Variants in PTCHD4 observed in about 807,000 individuals in gnomAD.
The protein encoded by PTCHD4 is patched domain containing 4, also known as patched domain-containing protein 4.
PTCHD4 carries 33 observed loss-of-function variants against 58.1 expected under a neutral mutation model. The observed-to-expected ratio is 0.57, with a 90% CI of 0.43 to 0.76. The LOEUF is 0.76. PTCHD4 is among the 30% of genes least tolerant of loss of function. PTCHD4 has a pLI of 0.00. For synonymous variants in PTCHD4, 478 were observed against 409.6 expected, an observed-to-expected ratio of 1.17 and a Z score of -2.02; for missense variants, 1,058 against 1,027.1, an observed-to-expected ratio of 1.03 and a Z score of -0.41.
chr6:47,953,386 T>C (rs371115895), intron 4 of PTCHD4, among the ~76,000 whole-genome samples: 4 of 152,156 alleles, frequency 2.6e-5, no homozygotes, highest in Non-Finnish European at 4.4e-5. Context: ...TGAGTTTAGA[T>C]GAGATTTTAA....
chr6:47,882,741 G>GAGAGATATATATATATATATATAT (rs143060584), intron 4 of PTCHD4, among the ~76,000 whole-genome samples: 86 of 102,436 alleles, frequency 8.4e-4, no homozygotes, highest in African/African-American at 2.7e-3. Context: ...TGATTCCAGT[G>GAGAGATATATATATATATATATAT]ATATATATAT....
chr6:48,021,637 A>G (rs1582034463), intron 3 of PTCHD4, among the ~76,000 whole-genome samples: 1 of 152,046 alleles, frequency 6.6e-6, no homozygotes, highest in East Asian at 1.9e-4. Flanking sequence ...GATTATACAG[A>G]TAGTTGTAAT....
At chr6:48,050,442 T>A (rs187678262) in intron 3 of PTCHD4, among the ~76,000 whole-genome samples, 1 of 152,160 alleles carries the variant, frequency 6.6e-6, no homozygotes, top group Non-Finnish European at 1.5e-5. Context: ...GGGAACTATA[T>A]GGCTGGTCAA....
At chr6:48,013,389 T>TTC (rs3031354) in intron 3 of PTCHD4, among the ~76,000 whole-genome samples, 1 of 149,754 alleles carries the variant, frequency 6.7e-6, no homozygotes, top group African/African-American at 2.4e-5. Flanking sequence ...TTTTTTTTTT[T>TTC]CTCAGAATGT....
At chr6:48,001,235 T>G (rs954946349) in intron 4 of PTCHD4, among the ~76,000 whole-genome samples, 5 of 152,208 alleles carry the variant, frequency 3.3e-5, no homozygotes, top group Non-Finnish European at 7.3e-5. Flanking sequence ...ATGACTTTCT[T>G]CACAGAATTG....
At chr6:48,013,595 A>G (rs1453117773) in intron 3 of PTCHD4, among the ~76,000 whole-genome samples, 2 of 151,892 alleles carry the variant, frequency 1.3e-5, no homozygotes, top group Non-Finnish European at 2.9e-5. Flanking sequence ...ATTGTGGAAA[A>G]TTTCTGCTCT....
intron 4 of PTCHD4, among the ~76,000 whole-genome samples, chr6:47,936,461 T>C (rs1201850125): frequency 6.6e-6 from 1 of 152,252 alleles, no homozygotes; most frequent in East Asian, 1.9e-4. Context: ...CGAAAAGCCC[T>C]GATACCATGA....
intron 4 of PTCHD4, chr6:47,900,020 G>C (rs1358493608): frequency 6.6e-6 from 1 of 151,932 alleles, no homozygotes; most frequent in African/African-American, 2.4e-5. Flanking sequence ...CACTTTTTAT[G>C]TTTCCATTCA....
rs530398314 is a variant in PTCHD4 at position 47,944,621 on chromosome 6, C to T, written c.898+64013G>A. Reference sequence around the variant, plus strand: ...CTCCATTTAAATAACAGGTACAGTGCTAAGGGTAGAGGAATTGAAAAACAG... The same window carrying T: ...CTCCATTTAAATAACAGGTACAGTGTTAAGGGTAGAGGAATTGAAAAACAG... On this transcript the variant is annotated intron_variant, in intron 4 of 4. Coordinates refer to ENST00000339488, the MANE Select transcript of PTCHD4 (RefSeq NM_001384253.1). Among the ~76,000 whole-genome samples the T allele has an allele frequency of 7.2e-5, 11 of 152,118 alleles. No individual in the cohort carries two copies. The South Asian group carries it at 1.5e-3, about 20-fold the overall frequency.
At chr6:48,097,238 A>G (rs1364796175) in intron 1 of PTCHD4, among the ~76,000 whole-genome samples, 1 of 152,150 alleles carries the variant, frequency 6.6e-6, no homozygotes, top group Non-Finnish European at 1.5e-5. Context: ...AATTTAAAAT[A>G]TAACAAAGAA....
At position 47,867,028 on chromosome 6, in the gene PTCHD4, C is replaced by T. The variant is rs1763584797; in HGVS notation, c.*11275G>A. 6.6e-6 allele frequency among the ~76,000 whole-genome samples: 1 copy of T among 151,678 alleles called. No homozygotes were observed. Among genetic ancestry groups the T allele is most frequent in the African/African-American group, 2.4e-5 (1 of 41,330 alleles). On this transcript the variant is annotated 3_prime_UTR_variant, in exon 5 of 5. Coordinates refer to ENST00000339488, the MANE Select transcript of PTCHD4 (RefSeq NM_001384253.1). ...ATGATGAAAAGATGATATATTTTACCATAGGGACATAGTACTTGTTTACAA... is the reference window on the plus strand; with the variant it reads ...ATGATGAAAAGATGATATATTTTACTATAGGGACATAGTACTTGTTTACAA...
At chr6:47,974,942 T>A (rs534150916) in intron 4 of PTCHD4, among the ~76,000 whole-genome samples, 2 of 152,320 alleles carry the variant, frequency 1.3e-5, no homozygotes, top group South Asian at 2.1e-4. Flanking sequence ...TTATTTTCAT[T>A]CAATGACTGT....
intron 4 of PTCHD4, among the ~76,000 whole-genome samples, chr6:47,999,486 A>G (rs1768634889): frequency 1.3e-5 from 2 of 152,288 alleles, no homozygotes; most frequent in East Asian, 3.9e-4. Flanking sequence ...CCTGAGTAAA[A>G]TAAGTCCTGT....
At chr6:48,005,003 T>A (rs1762381465) in intron 4 of PTCHD4, among the ~76,000 whole-genome samples, 1 of 152,226 alleles carries the variant, frequency 6.6e-6, no homozygotes, top group South Asian at 2.1e-4. Context: ...AATCTTTTTT[T>A]CTAAACCCCA....
intron 1 of PTCHD4, among the ~76,000 whole-genome samples, chr6:48,094,330 C>T (rs1388119154): frequency 6.6e-6 from 1 of 152,150 alleles, no homozygotes; most frequent in East Asian, 1.9e-4. Flanking sequence ...CGAGTGGTAA[C>T]GATGAGAAGA....
chr6:48,106,527 T>A (rs921796361), intron 1 of PTCHD4, among the ~76,000 whole-genome samples: 1 of 152,188 alleles, frequency 6.6e-6, no homozygotes, highest in African/African-American at 2.4e-5. Flanking sequence ...AAGCATTCCC[T>A]TTGAAAACTG....
At chr6:47,959,235 A>C (rs1766987731) in intron 4 of PTCHD4, among the ~76,000 whole-genome samples, 1 of 152,224 alleles carries the variant, frequency 6.6e-6, no homozygotes, top group Admixed American at 6.5e-5. Flanking sequence ...CATGATGTAC[A>C]AAATGATTAA....
At chr6:48,022,676 C>A (rs1188123942) in intron 3 of PTCHD4, among the ~76,000 whole-genome samples, 2 of 152,014 alleles carry the variant, frequency 1.3e-5, no homozygotes, top group African/African-American at 2.4e-5. Context: ...GTATTTTAGT[C>A]AAGTGCATAG....
intron 4 of PTCHD4, among the ~76,000 whole-genome samples, chr6:47,958,102 G>A (rs1221884869): frequency 1.3e-5 from 2 of 152,134 alleles, no homozygotes; most frequent in Non-Finnish European, 2.9e-5. Context: ...AAAGTTTAGT[G>A]TCTTAAATTA....
Sources: allele counts gnomAD v4.1 joint callset (sites outside exome capture counted in the v4.1 genomes callset), GRCh38; gene constraint gnomAD v4.1.1; transcripts MANE v1.5; gene names NCBI Gene and HGNC (gene_info 2026-07-23, HGNC 2026-07-21).